Variants in CTNNA3 observed in about 807,000 individuals in gnomAD.
The protein encoded by CTNNA3 is catenin alpha-3.
Under a neutral mutation model 95.7 loss-of-function variants are expected in CTNNA3, and 76 were observed. That is an observed-to-expected ratio of 0.79 (90% CI 0.66 to 0.96). The LOEUF (loss-of-function observed/expected upper bound fraction) is 0.96. Ranked by LOEUF, CTNNA3 falls within the 40% of genes least tolerant of loss-of-function variation. CTNNA3 has a pLI of 0.00. For missense variants in CTNNA3, 1,191 were observed against 1,089.8 expected (o/e 1.09, Z -1.31); for synonymous variants, 431 against 374.4 (o/e 1.15, Z -1.74).
At chr10:66,346,224 TATATATATATATATATATATATAG>T (rs2092511037) in intron 12 of CTNNA3, among the ~76,000 whole-genome samples, 1 of 80,978 alleles carries the variant, frequency 1.2e-5, no homozygotes, top group South Asian at 4.2e-4. Context: ...TATATATATA[TATATATATATATATATATATATAG>T]AGAGAGAGAG....
intron 11 of CTNNA3, among the ~76,000 whole-genome samples, chr10:66,486,365 A>G (rs1047757852): frequency 6.6e-6 from 1 of 152,174 alleles, no homozygotes; most frequent in Admixed American, 6.5e-5. Flanking sequence ...AAATACAAAT[A>G]AGACAATTTT....
intron 1 of CTNNA3, among the ~76,000 whole-genome samples, chr10:67,724,073 G>A (rs1466944783): frequency 6.6e-6 from 1 of 152,172 alleles, no homozygotes; most frequent in African/African-American, 2.4e-5. Context: ...GGGCTCAGCA[G>A]TGACCCTGAT....
At chr10:66,293,522 G>T (rs1377000394) in intron 12 of CTNNA3, among the ~76,000 whole-genome samples, 1 of 151,966 alleles carries the variant, frequency 6.6e-6, no homozygotes, top group Non-Finnish European at 1.5e-5. Flanking sequence ...GATATTTAAT[G>T]GCCTTTAGAA....
intron 12 of CTNNA3, among the ~76,000 whole-genome samples, chr10:66,285,841 T>G (rs2132174616): frequency 6.6e-6 from 1 of 151,980 alleles, no homozygotes; most frequent in South Asian, 2.1e-4. Context: ...AAGAAGTTCG[T>G]GCAACTGTTT....
intron 9 of CTNNA3, among the ~76,000 whole-genome samples, chr10:66,706,209 C>T (rs1316145344): frequency 6.6e-6 from 1 of 151,956 alleles, no homozygotes; most frequent in African/African-American, 2.4e-5. Flanking sequence ...ACCAGTTGTC[C>T]TCCCTTGGCA....
rs979133735 is a variant in CTNNA3, at chr10:66,862,045, T to C, written c.1048-86521A>G. Among the ~76,000 whole-genome samples the C allele has an allele frequency of 3.9e-5, 6 of 152,118 alleles. No individual in the cohort carries two copies. In the East Asian group the frequency reaches 1.2e-3, roughly 30 times the overall value. Reference sequence around the variant, plus strand: ...GCCAGACTGATATGGTGAAAAACCGTCACTATTAAAAATACAAAAATTAGC... The same window carrying C: ...GCCAGACTGATATGGTGAAAAACCGCCACTATTAAAAATACAAAAATTAGC... On this transcript the variant is annotated intron_variant, in intron 7 of 17. Transcript: ENST00000433211.
intron 13 of CTNNA3, among the ~76,000 whole-genome samples, chr10:66,199,202 C>A (rs1432321980): frequency 6.6e-6 from 1 of 152,000 alleles, no homozygotes; most frequent in Non-Finnish European, 1.5e-5. Context: ...GGTGCTCTTA[C>A]TAAATCAGTT....
At chr10:67,688,517 A>G (rs1050612188) in intron 1 of CTNNA3, among the ~76,000 whole-genome samples, 1 of 152,210 alleles carries the variant, frequency 6.6e-6, no homozygotes, top group Admixed American at 6.5e-5. Flanking sequence ...TCTTACAGAA[A>G]AAGTCAAGCT....
At chr10:67,563,250 C>G (rs1460194457) in intron 3 of CTNNA3, among the ~76,000 whole-genome samples, 1 of 152,158 alleles carries the variant, frequency 6.6e-6, no homozygotes, top group East Asian at 1.9e-4. Context: ...TACTACAAGG[C>G]TACAGTAACC....
At chr10:66,547,493 C>T (rs2132096416) in intron 10 of CTNNA3, among the ~76,000 whole-genome samples, 1 of 151,332 alleles carries the variant, frequency 6.6e-6, no homozygotes, top group Non-Finnish European at 1.5e-5. Context: ...CAGGCGCCCG[C>T]CACCACGCCC....
chr10:66,035,237 G>T (rs3858138), intron 15 of CTNNA3, among the ~76,000 whole-genome samples: 49,154 of 151,914 alleles, frequency 0.32, 7,952 homozygotes, highest in East Asian at 0.41. Context: ...TGAGGAGTTT[G>T]TGAAGCCGAA....
intron 11 of CTNNA3, among the ~76,000 whole-genome samples, chr10:66,391,368 T>C (rs1407757142): frequency 1.3e-5 from 2 of 152,144 alleles, no homozygotes; most frequent in East Asian, 3.9e-4. Flanking sequence ...ATGTCTTAAG[T>C]AGGCTCTTGT....
intron 5 of CTNNA3, among the ~76,000 whole-genome samples, chr10:67,301,007 TG>T (rs1220378954): frequency 6.6e-6 from 1 of 152,236 alleles, no homozygotes; most frequent in African/African-American, 2.4e-5. Context: ...CATGATGTTA[TG>T]GTATGTTTTG....
intron 7 of CTNNA3, among the ~76,000 whole-genome samples, chr10:66,789,067 T>C (rs560270598): frequency 1.3e-5 from 2 of 152,358 alleles, no homozygotes; most frequent in East Asian, 3.8e-4. Context: ...AACAAGTGCA[T>C]TGTTACAAGT....
At position 66,507,276 on chromosome 10, in the gene CTNNA3, A is replaced by C. The variant is rs552110490; in HGVS notation, c.1531+13341T>G. Among the ~76,000 whole-genome samples the C allele has an allele frequency of 4.6e-5, 7 of 152,246 alleles. No homozygotes were observed. In the East Asian group the frequency reaches 1.4e-3, roughly 29 times the overall value. On this transcript the variant is annotated intron_variant, in intron 11 of 17. Coordinates refer to ENST00000433211, the MANE Select transcript of CTNNA3 (RefSeq NM_013266.4). ...TTATGGGGTACCAAGTGACAGATAC[A>C]TGTATACAGTGTGTGATTATAAATT...
At chr10:67,659,117 A>C (rs1046107672) in intron 1 of CTNNA3, among the ~76,000 whole-genome samples, 6 of 152,214 alleles carry the variant, frequency 3.9e-5, no homozygotes, top group South Asian at 4.1e-4. Flanking sequence ...AGGTAAAAAA[A>C]AAAATTACTT....
intron 6 of CTNNA3, among the ~76,000 whole-genome samples, chr10:67,200,608 C>G (rs577643156): frequency 1.3e-5 from 2 of 152,248 alleles, no homozygotes; most frequent in African/African-American, 4.8e-5. Flanking sequence ...GAGTCTGTAT[C>G]AAGTCAAAAT....
intron 5 of CTNNA3, among the ~76,000 whole-genome samples, chr10:67,232,022 A>C (rs1158013286): frequency 1.3e-5 from 2 of 152,170 alleles, no homozygotes; most frequent in Admixed American, 6.5e-5. Flanking sequence ...GAAAAGACCA[A>C]ATCTACGTCT....
intron 15 of CTNNA3, among the ~76,000 whole-genome samples, chr10:66,047,248 C>G (rs553330536): frequency 6.6e-6 from 1 of 152,188 alleles, no homozygotes; most frequent in African/African-American, 2.4e-5. Flanking sequence ...CTTGCAAACT[C>G]AGTTCAGCAG....
Sources: allele counts gnomAD v4.1 joint callset (sites outside exome capture counted in the v4.1 genomes callset), GRCh38; gene constraint gnomAD v4.1.1; transcripts MANE v1.5; gene names NCBI Gene and HGNC (gene_info 2026-07-23, HGNC 2026-07-21).